WDR7: variants seen among roughly 807,000 people sequenced by gnomAD.
The protein encoded by WDR7 is WD repeat-containing protein 7.
Under a neutral mutation model 169.4 loss-of-function variants are expected in WDR7, and 46 were observed. The ratio of observed to expected loss-of-function variants is 0.27; its 90% CI spans 0.21 to 0.35. The LOEUF is 0.35. Among genes scored for constraint, WDR7 ranks in the 10% least tolerant of loss-of-function variants. The pLI, the probability that WDR7 is intolerant of heterozygous loss-of-function variation, is 1.00. For synonymous variants in WDR7, 612 were observed against 666.8 expected (o/e 0.92, Z 1.27); for missense variants, 1,534 against 1,859.3 (o/e 0.83, Z 3.22).
At chr18:56,992,930 A>G (rs1303717724) in intron 26 of WDR7, among the ~76,000 whole-genome samples, 3 of 152,224 alleles carry the variant, frequency 2.0e-5, no homozygotes, top group Non-Finnish European at 4.4e-5. Flanking sequence ...TAGGTAAACC[A>G]TACTGATGTT....
chr18:56,789,703 C>T (rs1040461509), intron 19 of WDR7, among the ~76,000 whole-genome samples: 1 of 152,190 alleles, frequency 6.6e-6, no homozygotes, highest in African/African-American at 2.4e-5. Context: ...TTCATGTCCC[C>T]CTTTTCTCAT....
intron 13 of WDR7, among the ~76,000 whole-genome samples, chr18:56,728,280 C>T (rs2026504463): frequency 2.6e-5 from 4 of 152,100 alleles, no homozygotes; most frequent in Non-Finnish European, 5.9e-5. Context: ...ACTTTGAAAC[C>T]ATGTAAATAG....
Position 56,785,316 on chromosome 18 carries a change from T to C in WDR7, c.3190+3660T>C, listed in dbSNP as rs536581186. Among the ~76,000 whole-genome samples the C allele has an allele frequency of 3.9e-5, 6 of 152,328 alleles. No individual in the cohort carries two copies. In the South Asian group the frequency reaches 1.0e-3, roughly 26 times the overall value. On this transcript the variant is annotated intron_variant, in intron 19 of 27. Transcript: ENST00000254442. The stretch of plus-strand genomic sequence containing the variant: ...TTGTGGCAAGTTACATCGTAAAGTA[T>C]TGCTTTAGAAATGCAAAACCTGTTT...
chr18:56,718,016 T>A lies in WDR7; in HGVS notation c.1631T>A (p.Leu544His). The change falls in exon 13 of 28, where the codon CTT (leucine) becomes CAT (histidine). Residue 544 changes from leucine to histidine, a missense_variant. Coordinates refer to ENST00000254442, the MANE Select transcript of WDR7 (RefSeq NM_015285.3). ...GTAGCCAGTGACCACTCAGTAGGAC[T>A]TCTAAGTTTGCGAGAGAAAAAATGC... The part of the protein sequence containing the change: ...CSVASDHSVG[L>H]LSLREKKCIM... 6.2e-7 allele frequency: 1 copy of A among 1,614,154 alleles called. No individual in the cohort carries two copies. The highest frequency in any genetic ancestry group is 8.5e-7 in the Non-Finnish European group (1 of 1,180,010).
intron 20 of WDR7, 77 bp from the exon 21 acceptor site, chr18:56,879,867 C>G: frequency 8.2e-7 from 1 of 1,218,524 alleles, no homozygotes; most frequent in Non-Finnish European, 1.2e-6. Context: ...AACGTGCAGT[C>G]CTGAATGTTT....
At chr18:56,701,979 A>T (rs1324290346) in intron 12 of WDR7, among the ~76,000 whole-genome samples, 1 of 152,188 alleles carries the variant, frequency 6.6e-6, no homozygotes, top group Non-Finnish European at 1.5e-5. Context: ...CAGCGTGGTT[A>T]GAGAGAGAAT....
At chr18:56,809,239 T>G (rs1240040522) in intron 19 of WDR7, among the ~76,000 whole-genome samples, 1 of 152,194 alleles carries the variant, frequency 6.6e-6, no homozygotes, top group Non-Finnish European at 1.5e-5. Context: ...TATTTCTTTT[T>G]TATTATATCT....
At chr18:56,875,875 A>G (rs1445470670) in intron 20 of WDR7, among the ~76,000 whole-genome samples, 1 of 152,022 alleles carries the variant, frequency 6.6e-6, no homozygotes, top group African/African-American at 2.4e-5. Flanking sequence ...TGCCACCACC[A>G]CTGGTTCTTA....
intron 20 of WDR7, among the ~76,000 whole-genome samples, chr18:56,827,468 T>G (rs1170220628): frequency 6.6e-6 from 1 of 152,108 alleles, no homozygotes; most frequent in East Asian, 1.9e-4. Context: ...ATGTCGCCTG[T>G]TCTCATTTAT....
intron 14 of WDR7, among the ~76,000 whole-genome samples, chr18:56,739,761 G>T (rs1046638225): frequency 4.0e-5 from 6 of 151,746 alleles, no homozygotes; most frequent in African/African-American, 7.3e-5. Flanking sequence ...CTTTTTTTGG[G>T]GGGGGGAATA....
At chr18:56,816,982 A>G (rs1262896369) in intron 20 of WDR7, among the ~76,000 whole-genome samples, 1 of 152,188 alleles carries the variant, frequency 6.6e-6, no homozygotes, top group East Asian at 1.9e-4. Flanking sequence ...CCCAGAAAAT[A>G]TTAATTTAAT....
intron 21 of WDR7, among the ~76,000 whole-genome samples, chr18:56,895,744 G>C (rs1192487545): frequency 6.6e-6 from 1 of 151,684 alleles, no homozygotes; most frequent in Non-Finnish European, 1.5e-5. Context: ...GAGAAAAAAA[G>C]AATTACAGAA....
chr18:56,733,027 T>C (rs2026621296), intron 14 of WDR7, among the ~76,000 whole-genome samples: 1 of 152,232 alleles, frequency 6.6e-6, no homozygotes, highest in Non-Finnish European at 1.5e-5. Flanking sequence ...ATGGCTTTTG[T>C]AAGTGGTCGT....
intron 14 of WDR7, among the ~76,000 whole-genome samples, chr18:56,732,422 G>A (rs1015640398): frequency 6.6e-6 from 1 of 152,014 alleles, no homozygotes; most frequent in Non-Finnish European, 1.5e-5. Flanking sequence ...TTTAATTTTA[G>A]TCTCTCCTTG....
intron 20 of WDR7, among the ~76,000 whole-genome samples, chr18:56,833,549 A>T (rs1431807753): frequency 6.6e-6 from 1 of 152,250 alleles, no homozygotes; most frequent in Non-Finnish European, 1.5e-5. Context: ...CTAGTATTAA[A>T]TAAAACATTC....
chr18:56,672,287 GTTGA>G (rs2025152495), intron 1 of WDR7, among the ~76,000 whole-genome samples: 1 of 151,998 alleles, frequency 6.6e-6, no homozygotes, highest in African/African-American at 2.4e-5. Context: ...TTTCACAGGT[GTTGA>G]TTGTGTATTA....
In WDR7 at chr18:56,694,735, A is replaced by C; in HGVS notation, c.1083A>C (p.Thr361=). 1 of 1,611,828 alleles carries C rather than the reference A, an allele frequency of 6.2e-7. No individual in the cohort carries two copies. The highest frequency in any genetic ancestry group is 1.1e-5 in the South Asian group (1 of 90,214). ...TGAATATTTGGAACATATCAGACAC[A>C]GCTGATAAACAGGGAAGTGAAGAAG... The part of the protein sequence containing the change: ...GRLNIWNISD[T]ADKQGSEEGL... The change falls in exon 10 of 28, where the codon ACA becomes ACC. Residue 361 remains threonine, a synonymous_variant. Transcript: ENST00000254442.
chr18:56,832,202 C>T (rs1017229862), intron 20 of WDR7, among the ~76,000 whole-genome samples: 2 of 152,170 alleles, frequency 1.3e-5, no homozygotes, highest in Non-Finnish European at 2.9e-5. Context: ...GTTTTCCTCT[C>T]ACGGTGTAAA....
intron 12 of WDR7, among the ~76,000 whole-genome samples, chr18:56,707,307 C>T (rs2025980689): frequency 6.6e-6 from 1 of 152,048 alleles, no homozygotes; most frequent in Non-Finnish European, 1.5e-5. Context: ...TGTAGATATA[C>T]TTTGTTCCTC....
Sources: gnomAD v4.1 joint callset for allele counts (sites outside exome capture counted in the v4.1 genomes callset) on GRCh38, gnomAD v4.1.1 for gene constraint, MANE v1.5 for transcripts, NCBI Gene and HGNC (gene_info 2026-07-23, HGNC 2026-07-21) for gene names.